Variants in PMEPA1 observed in about 807,000 individuals in gnomAD.
PMEPA1 encodes the protein prostate transmembrane protein, androgen induced 1.
In PMEPA1, 11 loss-of-function variants were observed where a neutral mutation model predicts 23.0. The observed-to-expected ratio is 0.48, with a 90% CI of 0.30 to 0.79. The LOEUF is 0.79. PMEPA1 is among the 30% of genes least tolerant of loss of function. PMEPA1 has a pLI of 0.06. For missense variants in PMEPA1, 377 were observed against 390.9 expected (o/e 0.96, Z 0.30); for synonymous variants, 204 against 166.4 (o/e 1.23, Z -1.74).
intron 1 of PMEPA1, among the ~76,000 whole-genome samples, chr20:57,679,251 G>A (rs569146294): frequency 6.6e-6 from 1 of 152,332 alleles, no homozygotes; most frequent in African/African-American, 2.4e-5. Context: ...CAAATGCCCT[G>A]AGGTAGGAAA....
chr20:57,658,834 C>T (rs572241947), intron 2 of PMEPA1, among the ~76,000 whole-genome samples: 38 of 152,334 alleles, frequency 2.5e-4, no homozygotes, highest in African/African-American at 8.2e-4. Flanking sequence ...ACCTCCCTTC[C>T]GTCTGGGTCA....
rs5842189 is a variant in PMEPA1, at chr20:57,683,558, T to TGC, written c.110-23862_110-23861insGC. 0.29 allele frequency among the ~76,000 whole-genome samples: 41,029 copies of TGC among 141,048 alleles called. 7,271 individuals are homozygous for TGC. Among genetic ancestry groups the TGC allele is most frequent in the Non-Finnish European group, 0.4 (26,147 of 65,864 alleles). The allele number at this position is 141,048 out of a possible 152,430, so 92.5% of individuals were successfully genotyped here. A position where few individuals can be genotyped will look rare whatever the true frequency, so the allele number is the denominator to read the frequency against. Reference sequence around the variant, plus strand: ...GGTGGTGTTCTGGCCTGTGTGCGTGTGTGTGTGTGTGTGTGTGTGTGTGTG... The same window carrying TGC: ...GGTGGTGTTCTGGCCTGTGTGCGTGTGCGTGTGTGTGTGTGTGTGTGTGTGTG... On this transcript the variant is annotated intron_variant, in intron 1 of 3. Coordinates refer to ENST00000341744, the MANE Select transcript of PMEPA1 (RefSeq NM_020182.5). This position sits in a 1 kb window ranked among gnomAD's most constrained non-coding sequence, Gnocchi z 4.3.
chr20:57,662,713 C>G (rs569880160), intron 1 of PMEPA1, among the ~76,000 whole-genome samples: 1 of 152,098 alleles, frequency 6.6e-6, no homozygotes, highest in African/African-American at 2.4e-5. Context: ...CACGCCCCCC[C>G]ACCCCCGGGG....
chr20:57,702,305 T>C (rs551966858), intron 1 of PMEPA1, among the ~76,000 whole-genome samples: 1 of 152,268 alleles, frequency 6.6e-6, no homozygotes, highest in East Asian at 1.9e-4. Flanking sequence ...ATTCCCCAGC[T>C]ACTCCCCAAA....
chr20:57,708,991 C>T (rs1267573712), intron 1 of PMEPA1, among the ~76,000 whole-genome samples: 1 of 152,022 alleles, frequency 6.6e-6, no homozygotes, highest in Non-Finnish European at 1.5e-5. Flanking sequence ...GACGCACGGA[C>T]ATCCACTCAG....
At chr20:57,705,184 CGT>C (rs2072063881) in intron 1 of PMEPA1, among the ~76,000 whole-genome samples, 1 of 152,158 alleles carries the variant, frequency 6.6e-6, no homozygotes, top group South Asian at 2.1e-4. Context: ...CTCACAGGCG[CGT>C]GTGTGTTTGT....
Position 57,650,636 on chromosome 20 carries a change from G to A in PMEPA1, c.*1417C>T, listed in dbSNP as rs978195439. On this transcript the variant is annotated 3_prime_UTR_variant, in exon 4 of 4. Transcript: ENST00000341744. ...CGTTGTTTCCGCGGGGAAAGGAGATGGAAAGGGGAAGAGAAGGTGAAGAAT... is the reference window on the plus strand; with the variant it reads ...CGTTGTTTCCGCGGGGAAAGGAGATAGAAAGGGGAAGAGAAGGTGAAGAAT... The A allele has an allele frequency of 6.6e-6, 1 of 152,308 alleles. No individual in the cohort carries two copies. Among genetic ancestry groups the A allele is most frequent in the African/African-American group, 2.4e-5 (1 of 41,462 alleles). The allele number at this position is 152,308 out of a possible 1,614,324, so 9.4% of individuals were successfully genotyped here.
chr20:57,692,339 G>A (rs1480427167), intron 1 of PMEPA1, among the ~76,000 whole-genome samples: 1 of 152,260 alleles, frequency 6.6e-6, no homozygotes, highest in Non-Finnish European at 1.5e-5. Context: ...GCAGCTGCAA[G>A]CACCAAGGCA....
chr20:57,700,263 G>A (rs2071993857), intron 1 of PMEPA1: 2 of 410,006 alleles, frequency 4.9e-6, no homozygotes, highest in South Asian at 3.5e-5. Flanking sequence ...AACATGTTCG[G>A]GGGAACAGGG....
intron 1 of PMEPA1, among the ~76,000 whole-genome samples, chr20:57,669,458 A>G (rs2071538448): frequency 6.6e-6 from 1 of 152,114 alleles, no homozygotes; most frequent in African/African-American, 2.4e-5. Context: ...ACCGCACCCA[A>G]CTGAAGCTCA....
At chr20:57,659,485 A>C in intron 2 of PMEPA1, 58 bp downstream of exon 2, 1 of 1,563,002 alleles carries the variant, frequency 6.4e-7, no homozygotes, top group Non-Finnish European at 8.7e-7. Flanking sequence ...CTGAGTTTTT[A>C]CAAGGGGCGT....
At chr20:57,678,200 G>A (rs1244005898) in intron 1 of PMEPA1, among the ~76,000 whole-genome samples, 1 of 152,154 alleles carries the variant, frequency 6.6e-6, no homozygotes, top group Non-Finnish European at 1.5e-5. Flanking sequence ...GTAAAACTGG[G>A]GAAAGGTAAG....
At chr20:57,709,361 G>A in intron 1 of PMEPA1, 113 bp downstream of exon 1, 1 of 739,662 alleles carries the variant, frequency 1.4e-6, no homozygotes. Context: ...CCCGGGCGCA[G>A]GGCGTTCGGT....
chr20:57,711,373 G>A (rs1267285234), upstream of PMEPA1: 1 of 152,220 alleles, frequency 6.6e-6, no homozygotes, highest in Non-Finnish European at 1.5e-5. Context: ...GCCGGTGCAG[G>A]AAGTGGGTTC....
Position 57,682,157 on chromosome 20 carries a change from C to T in PMEPA1, c.110-22460G>A, listed in dbSNP as rs188616071. 9.8e-5 allele frequency among the ~76,000 whole-genome samples: 15 copies of T among 152,320 alleles called. No individual in the cohort carries two copies. The highest frequency in any genetic ancestry group is 3.9e-4 in the East Asian group (2 of 5,178). On this transcript the variant is annotated intron_variant, in intron 1 of 3. Coordinates refer to ENST00000341744, the MANE Select transcript of PMEPA1 (RefSeq NM_020182.5). This position sits in a 1 kb window ranked among gnomAD's most constrained non-coding sequence, Gnocchi z 4.4. ...ATAAATGAACAGAAGATGGGTGATT[C>T]GCCCAAATACCGGGTCTGTCCTCCT...
At position 57,650,310 on chromosome 20, in the gene PMEPA1, T is replaced by TG. The variant is rs1173283168; in HGVS notation, c.*1742dup. ...TGCCCAAAATGGAAAGCCACTCCCA[T>TG]GGGAAGGGAGGGGGTAGCAGCTGGG... On this transcript the variant is annotated 3_prime_UTR_variant, in exon 4 of 4. Coordinates refer to ENST00000341744, the MANE Select transcript of PMEPA1 (RefSeq NM_020182.5). The TG allele has an allele frequency of 6.6e-6, 1 of 152,318 alleles. No individual in the cohort carries two copies. Among genetic ancestry groups the TG allele is most frequent in the East Asian group, 1.9e-4 (1 of 5,172 alleles). 9.4% of individuals were successfully genotyped at this position (152,318 alleles called of 1,614,324 possible). A position where few individuals can be genotyped will look rare whatever the true frequency, so the allele number is the denominator to read the frequency against.
Position 57,652,225 on chromosome 20 carries a change from G to T in PMEPA1, c.692C>A (p.Thr231Asn), listed in dbSNP as rs760841479. 5 of 1,607,918 alleles carry T rather than the reference G, an allele frequency of 3.1e-6. No homozygotes were observed. In the Admixed American group the frequency reaches 8.3e-5, roughly 27 times the overall value. ...SGGRMEGPPP[T>N]YSEVIGHYPG... is the part of the protein sequence containing the mutation. ...GTAGTGGCCGATGACCTCGCTGTAG[G>T]TGGGCGGCGGCCCCTCCATGCGCCC... Residue 231 changes from threonine (T) to asparagine (N), a missense_variant, in exon 4 of 4, where the codon ACC (threonine) becomes AAC (asparagine). Transcript: ENST00000341744. This position sits in a 1 kb window ranked among gnomAD's most constrained non-coding sequence, Gnocchi z 6.1.
At position 57,660,968 on chromosome 20, in the gene PMEPA1, C is replaced by T. The variant is rs115106132; in HGVS notation, c.110-1271G>A. On this transcript the variant is annotated intron_variant, in intron 1 of 3. Coordinates refer to ENST00000341744, the MANE Select transcript of PMEPA1 (RefSeq NM_020182.5). ...GACACAAACACACACAGACACAGCG[C>T]ACCACACGTGCCCACACACACACAT... Among the ~76,000 whole-genome samples, 1,438 of 152,084 alleles carry T rather than the reference C, an allele frequency of 9.5e-3. 17 individuals are homozygous for T. The highest frequency in any genetic ancestry group is 0.028 in the African/African-American group (1,155 of 41,480).
intron 1 of PMEPA1, among the ~76,000 whole-genome samples, chr20:57,699,785 C>T (rs1407276455): frequency 6.6e-6 from 1 of 152,194 alleles, no homozygotes; most frequent in African/African-American, 2.4e-5. Context: ...CTGGGGGAAC[C>T]CGGGGCAAAG....
Sources: allele counts gnomAD v4.1 joint callset (sites outside exome capture counted in the v4.1 genomes callset), GRCh38; gene constraint gnomAD v4.1.1; non-coding constraint Gnocchi (gnomAD v3.1); transcripts MANE v1.5; gene names NCBI Gene and HGNC (gene_info 2026-07-23, HGNC 2026-07-21).